ATP8A2: variants seen among roughly 807,000 people sequenced by gnomAD.
The protein encoded by ATP8A2 is phospholipid-transporting ATPase IB.
A neutral mutation model predicts 165.6 loss-of-function variants in ATP8A2; 100 were observed. The ratio of observed to expected loss-of-function variants is 0.60; its 90% CI spans 0.51 to 0.71. The LOEUF (loss-of-function observed/expected upper bound fraction) is 0.71. Ranked by LOEUF, ATP8A2 falls within the 30% of genes least tolerant of loss-of-function variation. The pLI is 0.00. For synonymous variants in ATP8A2, 543 were observed against 548.8 expected (o/e 0.99, Z 0.15); for missense variants, 1,227 against 1,479.5 (o/e 0.83, Z 2.80).
intron 1 of ATP8A2, among the ~76,000 whole-genome samples, chr13:25,462,235 G>A (rs988497608): frequency 6.6e-6 from 1 of 152,190 alleles, no homozygotes; most frequent in Non-Finnish European, 1.5e-5. Flanking sequence ...CTGGAGTGAG[G>A]TCAGACTTTA....
At chr13:25,786,057 ATTAT>A (rs2045017718) in intron 27 of ATP8A2, among the ~76,000 whole-genome samples, 1 of 152,146 alleles carries the variant, frequency 6.6e-6, no homozygotes, top group Admixed American at 6.5e-5. Flanking sequence ...GTAAAATGTA[ATTAT>A]TTATGAGAAT....
chr13:25,401,831 A>G (rs1314785440), intron 1 of ATP8A2, among the ~76,000 whole-genome samples: 1 of 152,238 alleles, frequency 6.6e-6, no homozygotes, highest in Non-Finnish European at 1.5e-5. Flanking sequence ...TGATAATAAT[A>G]TACCAACATC....
chr13:25,991,095 C>T (rs1956382161), intron 35 of ATP8A2, among the ~76,000 whole-genome samples: 2 of 152,140 alleles, frequency 1.3e-5, no homozygotes, highest in Admixed American at 1.3e-4. Context: ...TGGACAGCCT[C>T]TCCCTCGGGT....
chr13:25,397,227 G>A (rs1240757795), intron 1 of ATP8A2, among the ~76,000 whole-genome samples: 1 of 152,178 alleles, frequency 6.6e-6, no homozygotes, highest in African/African-American at 2.4e-5. Context: ...GGTCTCCAAG[G>A]CCATGCAGAC....
intron 35 of ATP8A2, among the ~76,000 whole-genome samples, chr13:25,986,724 G>A (rs1249367115): frequency 6.6e-6 from 1 of 152,120 alleles, no homozygotes; most frequent in African/African-American, 2.4e-5. Context: ...GTATATACCC[G>A]GGACTAGGAT....
At chr13:25,996,707 G>A (rs867857042) in intron 35 of ATP8A2, among the ~76,000 whole-genome samples, 27 of 151,766 alleles carry the variant, frequency 1.8e-4, no homozygotes, top group African/African-American at 2.4e-4. Context: ...TTTTTGAGAC[G>A]GAGTCTCACT....
At chr13:25,707,240 T>C (rs1339698094) in intron 25 of ATP8A2, among the ~76,000 whole-genome samples, 1 of 152,206 alleles carries the variant, frequency 6.6e-6, no homozygotes, top group Non-Finnish European at 1.5e-5. Flanking sequence ...AAACAAGCTT[T>C]TTGAAATTAA....
At chr13:25,692,722 A>G in intron 24 of ATP8A2, among the ~76,000 whole-genome samples, 1 of 152,200 alleles carries the variant, frequency 6.6e-6, no homozygotes, top group Non-Finnish European at 1.5e-5. Context: ...ATAAGGTGGT[A>G]CTGTCTGTGG....
intron 25 of ATP8A2, among the ~76,000 whole-genome samples, chr13:25,754,080 G>A (rs1327579991): frequency 1.3e-5 from 2 of 152,172 alleles, no homozygotes; most frequent in African/African-American, 2.4e-5. Context: ...ACTGCGTAAC[G>A]CCTTGGAGGC....
intron 25 of ATP8A2, among the ~76,000 whole-genome samples, chr13:25,728,998 C>T (rs988278039): frequency 4.6e-5 from 7 of 152,118 alleles, no homozygotes; most frequent in Admixed American, 4.6e-4. Context: ...TTTCCTCTTG[C>T]ATTCTTAAAA....
rs1049184350 is a variant in ATP8A2, at chr13:25,503,579, T to C, written c.222-26420T>C. Among the ~76,000 whole-genome samples the C allele has an allele frequency of 2.7e-4, 41 of 152,132 alleles. 1 individual carries two copies. The highest frequency in any genetic ancestry group is 2.7e-3 in the Admixed American group (41 of 15,284). ...CCAGGACAAGACCTCATGTGCTCAG[T>C]AGAAAGAAATAACTCCCTCTTGGAA... On this transcript the variant is annotated intron_variant, in intron 2 of 36. Transcript: ENST00000381655.
At chr13:25,534,279 C>T in intron 6 of ATP8A2, 1 of 511,840 alleles carries the variant, frequency 2.0e-6, no homozygotes. Context: ...TGCAAACATT[C>T]ATCAACCTCA....
intron 28 of ATP8A2, among the ~76,000 whole-genome samples, 188 bp from the exon 29 acceptor site, chr13:25,836,975 T>G (rs1468344190): frequency 6.6e-6 from 1 of 152,220 alleles, no homozygotes; most frequent in Non-Finnish European, 1.5e-5. Flanking sequence ...TGTATTCATT[T>G]GATAGTGATT....
chr13:25,850,169 C>T (rs930264712), intron 30 of ATP8A2, among the ~76,000 whole-genome samples: 1 of 152,178 alleles, frequency 6.6e-6, no homozygotes, highest in African/African-American at 2.4e-5. Context: ...CCCACTGATG[C>T]GATGGGGAGG....
At chr13:25,683,948 C>T (rs1448695290) in intron 24 of ATP8A2, among the ~76,000 whole-genome samples, 1 of 152,048 alleles carries the variant, frequency 6.6e-6, no homozygotes, top group Non-Finnish European at 1.5e-5. Flanking sequence ...CATATTTCTT[C>T]CTTAAAGAGA....
chr13:25,586,235 G>T (rs943768451), intron 23 of ATP8A2, among the ~76,000 whole-genome samples: 6 of 152,200 alleles, frequency 3.9e-5, no homozygotes, highest in Non-Finnish European at 7.3e-5. Flanking sequence ...TTTCTCAGAA[G>T]GAACAATATG....
At chr13:25,727,680 A>G (rs922408511) in intron 25 of ATP8A2, among the ~76,000 whole-genome samples, 3 of 152,200 alleles carry the variant, frequency 2.0e-5, no homozygotes, top group African/African-American at 7.2e-5. Context: ...TCTATATAAT[A>G]TTTCACATTA....
At chr13:25,797,711 A>G (rs934084829) in intron 27 of ATP8A2, among the ~76,000 whole-genome samples, 4 of 152,190 alleles carry the variant, frequency 2.6e-5, no homozygotes, top group Non-Finnish European at 4.4e-5. Flanking sequence ...TGTTCATTTA[A>G]TGGGATGACT....
At chr13:25,995,947 G>C (rs1009180063) in intron 35 of ATP8A2, among the ~76,000 whole-genome samples, 8 of 152,102 alleles carry the variant, frequency 5.3e-5, no homozygotes, top group Non-Finnish European at 1.2e-4. Flanking sequence ...CACATATTTT[G>C]CAGCTCTGTT....
Sources: gnomAD v4.1 joint callset for allele counts (sites outside exome capture counted in the v4.1 genomes callset) on GRCh38, gnomAD v4.1.1 for gene constraint, MANE v1.5 for transcripts, NCBI Gene and HGNC (gene_info 2026-07-23, HGNC 2026-07-21) for gene names.